MNAT1: variants seen among roughly 807,000 people sequenced by gnomAD.
MNAT1 encodes the protein MNAT1 component of CDK activating kinase, also known as CDK-activating kinase assembly factor MAT1.
MNAT1 carries 43 observed loss-of-function variants against 42.0 expected under a neutral mutation model. That is an observed-to-expected ratio of 1.02 (90% CI 0.80 to 1.32). The LOEUF is 1.32. Among genes scored for constraint, MNAT1 ranks in the 40% most tolerant of loss-of-function variants. MNAT1 has a pLI of 0.00. For synonymous variants in MNAT1, 118 were observed against 120.0 expected, an observed-to-expected ratio of 0.98 and a Z score of 0.11; for missense variants, 306 against 350.4, an observed-to-expected ratio of 0.87 and a Z score of 1.01.
chr14:60,799,174 G>C, intron 3 of MNAT1: 4 of 853,680 alleles, frequency 4.7e-6, no homozygotes, highest in Non-Finnish European at 5.6e-6. Context: ...ACATAATTTA[G>C]GGTTTCTCTG....
At chr14:60,858,210 A>G (rs900341018) in intron 6 of MNAT1, among the ~76,000 whole-genome samples, 25 of 152,106 alleles carry the variant, frequency 1.6e-4, no homozygotes, top group African/African-American at 4.8e-4. Context: ...AAGCATTCCT[A>G]TTTCTCCACA....
At chr14:60,783,690 G>T (rs1455325241) in intron 1 of MNAT1, among the ~76,000 whole-genome samples, 1 of 151,974 alleles carries the variant, frequency 6.6e-6, no homozygotes, top group Non-Finnish European at 1.5e-5. Flanking sequence ...TAGAGACAGG[G>T]TTTCACCGTG....
At chr14:60,919,600 A>G (rs886773758) in intron 7 of MNAT1, 1 of 153,134 alleles carries the variant, frequency 6.5e-6, no homozygotes, top group African/African-American at 2.4e-5. Flanking sequence ...TGGTAGTAGG[A>G]TTCCTTGAAG....
chr14:60,760,290 T>C (rs1297154693), intron 1 of MNAT1, among the ~76,000 whole-genome samples: 1 of 152,190 alleles, frequency 6.6e-6, no homozygotes, highest in African/African-American at 2.4e-5. Flanking sequence ...CTTCTGTTGA[T>C]GGAAATTTAG....
intron 1 of MNAT1, chr14:60,753,781 A>C (rs906785082): frequency 6.6e-6 from 1 of 152,202 alleles, no homozygotes; most frequent in Non-Finnish European, 1.5e-5. Context: ...AATACCTTGA[A>C]TCCAAGAGGG....
chr14:60,890,364 C>CT (rs2034808316), intron 7 of MNAT1, among the ~76,000 whole-genome samples: 1 of 152,106 alleles, frequency 6.6e-6, no homozygotes, highest in Admixed American at 6.6e-5. Context: ...GAGATACTGG[C>CT]TTTTAGTTTT....
intron 1 of MNAT1, among the ~76,000 whole-genome samples, chr14:60,756,871 G>A (rs1402986499): frequency 6.6e-6 from 1 of 152,138 alleles, no homozygotes; most frequent in Non-Finnish European, 1.5e-5. Context: ...ATGCTGTCTT[G>A]TATTTGGAGG....
At chr14:60,780,686 G>A in intron 1 of MNAT1, 1 of 827,562 alleles carries the variant, frequency 1.2e-6, no homozygotes, top group Non-Finnish European at 1.9e-6. Flanking sequence ...TATTTCATTG[G>A]TTAATTTATA....
intron 1 of MNAT1, among the ~76,000 whole-genome samples, chr14:60,746,301 G>A (rs1455116526): frequency 6.6e-6 from 1 of 152,086 alleles, no homozygotes; most frequent in Non-Finnish European, 1.5e-5. Flanking sequence ...AGATTACGAG[G>A]TCAGGAGTTC....
At chr14:60,942,973 G>A (rs1386193961) in intron 7 of MNAT1, among the ~76,000 whole-genome samples, 3 of 138,924 alleles carry the variant, frequency 2.2e-5, no homozygotes, top group Non-Finnish European at 4.6e-5. Context: ...CTTTCCACAA[G>A]TTTGTATTAA....
chr14:60,794,112 T>G (rs1481310513), intron 1 of MNAT1, among the ~76,000 whole-genome samples: 1 of 152,226 alleles, frequency 6.6e-6, no homozygotes, highest in Non-Finnish European at 1.5e-5. Context: ...GATATATTAA[T>G]GTTATTTGTG....
In MNAT1 at chr14:60,923,193, A is replaced by T. The variant is rs576018128; in HGVS notation, c.809+43358A>T. On this transcript the variant is annotated intron_variant, in intron 7 of 7. Transcript: ENST00000261245. ...ACCTAGAGTAGTGGTCTCAAACCAT[A>T]TATCAGAATCACCTAGAGGGTTTTC... Among the ~76,000 whole-genome samples the T allele has an allele frequency of 1.5e-4, 23 of 152,326 alleles. 1 individual carries two copies. In the South Asian group the frequency reaches 4.6e-3, roughly 30 times the overall value.
At chr14:60,869,849 G>A (rs2034291161) in intron 6 of MNAT1, among the ~76,000 whole-genome samples, 1 of 151,934 alleles carries the variant, frequency 6.6e-6, no homozygotes. Context: ...TAAATGGTTT[G>A]TTGCATTCTA....
chr14:60,735,039 C>A, intron 1 of MNAT1, 88 bp downstream of exon 1: 2 of 1,272,398 alleles, frequency 1.6e-6, no homozygotes, highest in African/African-American at 1.5e-5. Flanking sequence ...GTCTTGGGAG[C>A]AAAGGGCGTT....
At chr14:60,829,064 G>A (rs1188330027) in intron 6 of MNAT1, among the ~76,000 whole-genome samples, 1 of 152,014 alleles carries the variant, frequency 6.6e-6, no homozygotes, top group East Asian at 1.9e-4. Context: ...TAAATGACTG[G>A]CCACTGGTGA....
chr14:60,759,868 T>G (rs2030523288), intron 1 of MNAT1, among the ~76,000 whole-genome samples: 1 of 152,192 alleles, frequency 6.6e-6, no homozygotes, highest in Admixed American at 6.5e-5. Context: ...ATATTTATAA[T>G]CATTCTATTA....
intron 7 of MNAT1, among the ~76,000 whole-genome samples, chr14:60,916,496 A>T (rs949821185): frequency 6.6e-6 from 1 of 152,136 alleles, no homozygotes; most frequent in Non-Finnish European, 1.5e-5. Context: ...CTTTACAAAA[A>T]ATGTAAAAAT....
intron 7 of MNAT1, among the ~76,000 whole-genome samples, chr14:60,941,815 T>C (rs1360672233): frequency 6.6e-6 from 1 of 150,816 alleles, no homozygotes; most frequent in African/African-American, 2.4e-5. Flanking sequence ...CCATCGCAGC[T>C]AACATGGTGA....
chr14:60,969,288 A>G lies in MNAT1; in HGVS notation c.*939A>G, dbSNP rs2036738598. ...CTTGTATGAGTCTGTTACATAGAGC[A>G]TTGGATATGGGATATAGTTTCTTAA... On this transcript the variant is annotated 3_prime_UTR_variant, in exon 8 of 8. Coordinates refer to ENST00000261245, the MANE Select transcript of MNAT1 (RefSeq NM_002431.4). The G allele has an allele frequency of 6.6e-6, 1 of 152,186 alleles. No homozygotes were observed. Among genetic ancestry groups the G allele is most frequent in the Non-Finnish European group, 1.5e-5 (1 of 68,014 alleles). The allele number at this position is 152,186 out of a possible 1,614,324, so 9.4% of individuals were successfully genotyped here. A position where few individuals can be genotyped will look rare whatever the true frequency, so the allele number is the denominator to read the frequency against.
Sources: allele counts gnomAD v4.1 joint callset (sites outside exome capture counted in the v4.1 genomes callset), GRCh38; gene constraint gnomAD v4.1.1; transcripts MANE v1.5; gene names NCBI Gene and HGNC (gene_info 2026-07-23, HGNC 2026-07-21).